Variants in PCDHGA7 observed in about 807,000 individuals in gnomAD.
PCDHGA7 encodes protocadherin gamma-A7.
A neutral mutation model predicts 58.3 loss-of-function variants in PCDHGA7; 44 were observed. That is an observed-to-expected ratio of 0.75 (90% CI 0.59 to 0.97). The LOEUF is 0.97. Among genes scored for constraint, PCDHGA7 ranks in the 50% least tolerant of loss-of-function variants. The pLI, the probability that PCDHGA7 is intolerant of heterozygous loss-of-function variation, is 0.00. For synonymous variants in PCDHGA7, 516 were observed against 504.2 expected (o/e 1.02, Z -0.31); for missense variants, 1,266 against 1,188.7 (o/e 1.06, Z -0.96).
chr5:141,477,223 T>C lies in PCDHGA7; in HGVS notation c.2425-17584T>C. The C allele has an allele frequency of 6.2e-7, 1 of 1,614,198 alleles. No homozygotes were observed. On this transcript the variant is annotated intron_variant, in intron 1 of 3. Coordinates refer to ENST00000518325, the MANE Select transcript of PCDHGA7 (RefSeq NM_018920.4). This position sits in a 1 kb window ranked among gnomAD's most constrained non-coding sequence, Gnocchi z 4.9. ...TACCCGAGGATGCCCCTCTGGGGAC[T>C]GTCATCGCTTTGCTCAGTGTGACTG... is the stretch of plus-strand genomic sequence containing the variant.
intron 1 of PCDHGA7, chr5:141,393,488 A>G: frequency 1.9e-6 from 3 of 1,614,066 alleles, no homozygotes; most frequent in Non-Finnish European, 2.5e-6. Context: ...GCTCTAGCAC[A>G]GTGCGCATCC....
intron 1 of PCDHGA7, among the ~76,000 whole-genome samples, chr5:141,451,826 A>G (rs2098725686): frequency 6.6e-6 from 1 of 151,720 alleles, no homozygotes; most frequent in Non-Finnish European, 1.5e-5. Context: ...GGTTACAGTG[A>G]GCCGAGATCA....
intron 1 of PCDHGA7, among the ~76,000 whole-genome samples, chr5:141,474,357 T>G (rs185194067): frequency 2.0e-4 from 30 of 152,302 alleles, no homozygotes; most frequent in African/African-American, 6.5e-4. Context: ...AAGTCATGTC[T>G]CAGTAGGTCT....
chr5:141,479,731 G>C (rs1176632022), intron 1 of PCDHGA7: 1 of 152,216 alleles, frequency 6.6e-6, no homozygotes, highest in East Asian at 1.9e-4. Context: ...TTTTTCTTAA[G>C]TATATGCACA....
At chr5:141,470,139 A>AT (rs146570937) in intron 1 of PCDHGA7, among the ~76,000 whole-genome samples, 7,047 of 152,316 alleles carry the variant, frequency 0.046, 200 homozygotes, top group Middle Eastern at 0.092. Flanking sequence ...AAAAAAAAAG[A>AT]TCATAGATCA....
intron 1 of PCDHGA7, chr5:141,417,091 A>G (rs1345871347): frequency 6.6e-6 from 1 of 152,194 alleles, no homozygotes; most frequent in Non-Finnish European, 1.5e-5. Flanking sequence ...TTTTGATTAT[A>G]ATTATTTAAA....
At chr5:141,478,765 C>T in intron 1 of PCDHGA7, 1 of 1,508,614 alleles carries the variant, frequency 6.6e-7, no homozygotes, top group Non-Finnish European at 8.9e-7. Context: ...AGATACTTGA[C>T]TCATCTGTGG....
chr5:141,398,738 A>G, intron 1 of PCDHGA7: 1 of 1,613,880 alleles, frequency 6.2e-7, no homozygotes, highest in Admixed American at 1.7e-5. Flanking sequence ...GACCGGGAAC[A>G]ACAGAGTTAC....
chr5:141,431,068 A>G lies in PCDHGA7; in HGVS notation c.2424+45745A>G. 2 of 1,614,218 alleles carry G rather than the reference A, an allele frequency of 1.2e-6. No individual in the cohort carries two copies. Among genetic ancestry groups the G allele is most frequent in the South Asian group, 1.1e-5 (1 of 91,088 alleles). On this transcript the variant is annotated intron_variant, in intron 1 of 3. Coordinates refer to ENST00000518325, the MANE Select transcript of PCDHGA7 (RefSeq NM_018920.4). The surrounding 1 kb of genome is among the most constrained non-coding windows in gnomAD (Gnocchi z 4.8). ...TCTGTATGGGGGCCATCAAGTGTCA[A>G]TTAAATCTAGACATTCTGATGGAGG...
chr5:141,420,477 A>T (rs1469261817), intron 1 of PCDHGA7: 3 of 626,262 alleles, frequency 4.8e-6, no homozygotes, highest in Non-Finnish European at 7.0e-6. Flanking sequence ...TTTAAAGCAA[A>T]CTACATGGGT....
intron 1 of PCDHGA7, among the ~76,000 whole-genome samples, chr5:141,446,338 G>T (rs964323259): frequency 6.6e-6 from 1 of 152,128 alleles, no homozygotes; most frequent in African/African-American, 2.4e-5. Flanking sequence ...GGAACTGGAT[G>T]GACAAAGCTA....
intron 1 of PCDHGA7, among the ~76,000 whole-genome samples, chr5:141,473,736 G>A (rs1278322296): frequency 1.3e-5 from 2 of 152,202 alleles, no homozygotes; most frequent in Non-Finnish European, 2.9e-5. Flanking sequence ...AGAGGGAGAA[G>A]ACATGAGAAC....
At chr5:141,488,438 C>T (rs2099675393) in intron 1 of PCDHGA7, among the ~76,000 whole-genome samples, 1 of 152,146 alleles carries the variant, frequency 6.6e-6, no homozygotes, top group African/African-American at 2.4e-5. Flanking sequence ...CTCTGACCAC[C>T]CTCCTGGGTG....
At chr5:141,424,628 A>C (rs962512805) in intron 1 of PCDHGA7, 3 of 152,348 alleles carry the variant, frequency 2.0e-5, no homozygotes, top group African/African-American at 7.2e-5. Flanking sequence ...GTTTGTGAAT[A>C]TATAAATAGA....
rs758405089 is a variant in PCDHGA7 at position 141,383,617 on chromosome 5, C to T, written c.718C>T (p.Pro240Ser). 5.1e-5 allele frequency: 82 copies of T among 1,613,734 alleles called. No homozygotes were observed. The Admixed American group carries it at 9.0e-4, about 18-fold the overall frequency. The change falls in exon 1 of 4, where the codon CCT (proline) becomes TCT (serine). Residue 240 changes from proline (P) to serine (S), a missense_variant. Coordinates refer to ENST00000518325, the MANE Select transcript of PCDHGA7 (RefSeq NM_018920.4). ...AGTGGTGGATGTGAATGACCACACG[C>T]CTGTCTTCTCTCTGCCTCAGTACCA... Reference protein sequence around the residue: ...VTVVDVNDHTPVFSLPQYQVT... With the variant: ...VTVVDVNDHTSVFSLPQYQVT...
chr5:141,453,022 T>C (rs1222692572), intron 1 of PCDHGA7, among the ~76,000 whole-genome samples: 1 of 152,230 alleles, frequency 6.6e-6, no homozygotes, highest in Non-Finnish European at 1.5e-5. Flanking sequence ...ATGTGATTCA[T>C]TAAAATAAAG....
At chr5:141,415,293 C>T in intron 1 of PCDHGA7, 1 of 1,614,192 alleles carries the variant, frequency 6.2e-7, no homozygotes, top group Non-Finnish European at 8.5e-7. Flanking sequence ...CGGTCTCCTG[C>T]GTCTTCCTGG....
chr5:141,489,220 C>G lies in PCDHGA7; in HGVS notation c.2425-5587C>G. The G allele has an allele frequency of 6.6e-7, 1 of 1,508,698 alleles. No individual in the cohort carries two copies. Among genetic ancestry groups the G allele is most frequent in the South Asian group, 1.3e-5 (1 of 75,604 alleles). The allele number at this position is 1,508,698 out of a possible 1,614,324, so 93.5% of individuals were successfully genotyped here. A position where few individuals can be genotyped will look rare whatever the true frequency, so the allele number is the denominator to read the frequency against. ...AGACAGGACAGCACAGACTTACTCT[C>G]CACAAAGGGACTTCTGGGTCATGGG... On this transcript the variant is annotated intron_variant, in intron 1 of 3. Transcript: ENST00000518325. The surrounding 1 kb of genome is among the most constrained non-coding windows in gnomAD (Gnocchi z 4.5).
At chr5:141,392,719 C>CCG in intron 1 of PCDHGA7, 1 of 1,383,098 alleles carries the variant, frequency 7.2e-7, no homozygotes, top group African/African-American at 1.5e-5. Context: ...TCCAGGTTTC[C>CCG]GGAGGATTGT....
Sources: allele counts gnomAD v4.1 joint callset (sites outside exome capture counted in the v4.1 genomes callset), GRCh38; gene constraint gnomAD v4.1.1; non-coding constraint Gnocchi (gnomAD v3.1); transcripts MANE v1.5; gene names NCBI Gene and HGNC (gene_info 2026-07-23, HGNC 2026-07-21).